Variants in TTI1 observed in about 807,000 individuals in gnomAD.
TTI1 encodes TELO2-interacting protein 1 homolog.
A neutral mutation model predicts 85.4 loss-of-function variants in TTI1; 52 were observed. The observed-to-expected ratio is 0.61, with a 90% CI of 0.49 to 0.77. TTI1 has a LOEUF of 0.77. TTI1 is among the 30% of genes least tolerant of loss of function. TTI1 has a pLI of 0.00. For synonymous variants in TTI1, 512 were observed against 503.9 expected, an observed-to-expected ratio of 1.02 and a Z score of -0.22; for missense variants, 1,173 against 1,296.0, an observed-to-expected ratio of 0.91 and a Z score of 1.46.
At chr20:37,993,191 C>A (rs1437122859) in intron 7 of TTI1, among the ~76,000 whole-genome samples, 2 of 144,620 alleles carry the variant, frequency 1.4e-5, no homozygotes, top group Non-Finnish European at 3.0e-5. Context: ...CCTGCCCCCA[C>A]CATCCCCTGC....
At chr20:38,017,480 G>A (rs750178785) in intron 1 of TTI1, among the ~76,000 whole-genome samples, 13 of 151,918 alleles carry the variant, frequency 8.6e-5, no homozygotes, top group Admixed American at 2.0e-4. Context: ...TGGTGCATGT[G>A]TTGATCCTGG....
intron 5 of TTI1, 113 bp from the exon 6 acceptor site, chr20:37,997,066 T>C (rs762746748): frequency 3.6e-6 from 4 of 1,119,950 alleles, no homozygotes; most frequent in Non-Finnish European, 5.0e-6. Context: ...AAAAAAAAAA[T>C]AGAATTACTG....
chr20:38,023,964 G>A (rs576582996), intron 1 of TTI1, among the ~76,000 whole-genome samples: 8 of 152,238 alleles, frequency 5.3e-5, no homozygotes, highest in South Asian at 4.1e-4. Context: ...ACATATTTCC[G>A]GAAATTACTC....
chr20:38,002,081 G>A (rs938759958), intron 4 of TTI1, among the ~76,000 whole-genome samples: 2 of 152,064 alleles, frequency 1.3e-5, no homozygotes, highest in Non-Finnish European at 2.9e-5. Context: ...TGGGTGTAAG[G>A]TCTTCTCCAG....
At position 38,011,868 on chromosome 20, in the gene TTI1, A is replaced by G. The variant is rs1306513214; in HGVS notation, c.1949T>C (p.Met650Thr). 6.8e-6 allele frequency: 11 copies of G among 1,614,134 alleles called. No homozygotes were observed. Among genetic ancestry groups the G allele is most frequent in the African/African-American group, 1.3e-5 (1 of 74,938 alleles). The part of the protein sequence containing the change: ...ALGKDFCLLL[M>T]SALYPVLEKA... ...CTCCAGTACTGGATAAAGGGCTGAC[A>G]TCAAGAGCAAACAGAAGTCTTTTCC... The change falls in exon 2 of 8, where the codon ATG (methionine) becomes ACG (threonine). Residue 650 changes from methionine to threonine, a missense_variant. By Grantham distance (81) the Met-to-Thr change is moderately conservative (BLOSUM62 -1). Transcript: ENST00000373447.
rs41310809 is a variant in TTI1 at position 38,012,064 on chromosome 20, G to A, written c.1753C>T (p.Leu585=). The change falls in exon 2 of 8, where the codon CTG becomes TTG. Residue 585 remains leucine (L), a synonymous_variant. Transcript: ENST00000373447. ...CLETEEMGEE[L]MMEHPGLQAI... ...TGGAGGCCTGGGTGCTCCATCATCA[G>A]CTCCTCTCCCATTTCCTCAGTTTCA... 20,398 of 1,614,164 alleles carry A rather than the reference G, an allele frequency of 0.013. 165 individuals are homozygous for A. Among genetic ancestry groups the A allele is most frequent in the Non-Finnish European group, 0.016 (18,623 of 1,180,030 alleles).
rs1212743519 is a variant in TTI1 at position 38,031,051 on chromosome 20, C to T, written c.-42+2353G>A. ...CTGTTACCTCTTCCTCTAAAATATC[C>T]CCAGAACTGTCCCTTTCTTACCACT... On this transcript the variant is annotated intron_variant, in intron 1 of 7. Transcript: ENST00000373447. Among the ~76,000 whole-genome samples the T allele has an allele frequency of 2.0e-5, 3 of 152,150 alleles. No homozygotes were observed. In the East Asian group the frequency reaches 5.8e-4, roughly 29 times the overall value.
At chr20:37,986,511 G>A (rs531119058) in intron 7 of TTI1, among the ~76,000 whole-genome samples, 2 of 152,312 alleles carry the variant, frequency 1.3e-5, no homozygotes, top group South Asian at 4.1e-4. Context: ...ACTGTTTTGG[G>A]TCTCATTTCT....
At chr20:38,018,837 T>C (rs535531070) in intron 1 of TTI1, among the ~76,000 whole-genome samples, 2 of 151,388 alleles carry the variant, frequency 1.3e-5, no homozygotes, top group Non-Finnish European at 2.9e-5. Flanking sequence ...TTACAGCCTA[T>C]AAAAACAACA....
At chr20:38,029,619 GGAAATTTCCAAT>G (rs1165141793) in intron 1 of TTI1, among the ~76,000 whole-genome samples, 2 of 149,908 alleles carry the variant, frequency 1.3e-5, no homozygotes, top group Admixed American at 1.3e-4. Flanking sequence ...CACTGATACT[GGAAATTTCCAAT>G]ATCAGTAATG....
chr20:38,007,460 A>G (rs2073517955), intron 2 of TTI1, among the ~76,000 whole-genome samples: 1 of 152,164 alleles, frequency 6.6e-6, no homozygotes, highest in Non-Finnish European at 1.5e-5. Flanking sequence ...GCACCAAGAG[A>G]CGGTGGGCTA....
At chr20:38,000,156 G>T (rs6097259) in intron 4 of TTI1, among the ~76,000 whole-genome samples, 41,627 of 151,968 alleles carry the variant, frequency 0.27, 7,254 homozygotes, top group African/African-American at 0.51. Context: ...GGAAGTGAGG[G>T]TTTGAAAAGA....
chr20:37,986,065 G>A (rs1207395913), intron 7 of TTI1, among the ~76,000 whole-genome samples: 1 of 152,166 alleles, frequency 6.6e-6, no homozygotes, highest in Non-Finnish European at 1.5e-5. Context: ...CACCAAAAGC[G>A]GGGAGCAGAT....
Position 38,012,950 on chromosome 20 carries a change from G to C in TTI1, c.867C>G (p.Ile289Met). 1.2e-6 allele frequency: 2 copies of C among 1,614,148 alleles called. No homozygotes were observed. The highest frequency in any genetic ancestry group is 1.1e-5 in the South Asian group (1 of 91,088). The change falls in exon 2 of 8, where the codon ATC (isoleucine) becomes ATG (methionine). Residue 289 changes from isoleucine (I) to methionine (M), a missense_variant. Ile to Met is a conservative substitution (Grantham distance 10). Transcript: ENST00000373447. ...CACACTCAATTATCTTTTTAATAAG[G>C]ATAGTCAACTTGTCGCCAGTCTTTT... ...WVKKTGDKLT[I>M]LIKKIIECVS... is the part of the protein sequence containing the mutation.
intron 7 of TTI1, among the ~76,000 whole-genome samples, chr20:37,992,119 C>T (rs552540496): frequency 9.9e-5 from 15 of 152,282 alleles, no homozygotes; most frequent in South Asian, 2.1e-4. Context: ...CCAGGACTTG[C>T]GTGGCCAGAA....
At chr20:38,001,875 T>C (rs2073430446) in intron 4 of TTI1, among the ~76,000 whole-genome samples, 1 of 152,152 alleles carries the variant, frequency 6.6e-6, no homozygotes. Context: ...TGCACCACCA[T>C]GCCCGGTTAA....
chr20:38,027,014 A>T (rs1338641554), intron 1 of TTI1, among the ~76,000 whole-genome samples: 1 of 152,266 alleles, frequency 6.6e-6, no homozygotes, highest in Non-Finnish European at 1.5e-5. Flanking sequence ...ATACAAAGAG[A>T]TATACTCAGA....
At chr20:38,019,931 A>C (rs890594801) in intron 1 of TTI1, among the ~76,000 whole-genome samples, 5 of 152,320 alleles carry the variant, frequency 3.3e-5, no homozygotes, top group African/African-American at 1.2e-4. Context: ...TCAAGGACAA[A>C]AATTGTCCCT....
In TTI1 at chr20:38,013,363, C is replaced by G. The variant is rs764812563; in HGVS notation, c.454G>C (p.Gly152Arg). 1 of 1,614,096 alleles carries G rather than the reference C, an allele frequency of 6.2e-7. No individual in the cohort carries two copies. Among genetic ancestry groups the G allele is most frequent in the South Asian group, 1.1e-5 (1 of 91,084 alleles). Residue 152 changes from glycine to arginine, a missense_variant, in exon 2 of 8, where the codon GGA becomes CGA. Coordinates refer to ENST00000373447, the MANE Select transcript of TTI1 (RefSeq NM_001303457.2). ...CCTAACAGTAAAGATACAGCAAATC[C>G]TAAACGTGGCAGAATGGAGGGCTCA... The part of the protein sequence containing the change: ...FYEPSILPRL[G>R]FAVSLLLGLA...
Sources: allele counts gnomAD v4.1 joint callset (sites outside exome capture counted in the v4.1 genomes callset), GRCh38; gene constraint gnomAD v4.1.1; transcripts MANE v1.5; gene names NCBI Gene and HGNC (gene_info 2026-07-23, HGNC 2026-07-21).